The following NCAM1 variants were observed in gnomAD, a reference collection of about 807,000 sequenced individuals.
NCAM1 encodes antigen recognized by monoclonal antibody 5.1H11.
In NCAM1, 14 loss-of-function variants were observed where a neutral mutation model predicts 109.8. The observed-to-expected ratio is 0.13, with a 90% CI of 0.08 to 0.20. The LOEUF (loss-of-function observed/expected upper bound fraction) is 0.20. NCAM1 is among the 10% of genes least tolerant of loss of function. NCAM1 has a pLI of 1.00. For missense variants in NCAM1, 774 were observed against 1,109.9 expected (o/e 0.70, Z 4.30); for synonymous variants, 418 against 442.9 (o/e 0.94, Z 0.70).
At chr11:113,245,627 C>T (rs1945478429) in intron 14 of NCAM1, among the ~76,000 whole-genome samples, 1 of 152,138 alleles carries the variant, frequency 6.6e-6, no homozygotes, top group South Asian at 2.1e-4. Context: ...TTCAGGGAGG[C>T]TCACCGAGGT....
At chr11:113,223,790 C>T (rs1341234768) in intron 9 of NCAM1, among the ~76,000 whole-genome samples, 1 of 152,198 alleles carries the variant, frequency 6.6e-6, no homozygotes, top group Non-Finnish European at 1.5e-5. Flanking sequence ...GTTCCCTCTG[C>T]CTGCAGTCCT....
chr11:113,040,511 A>G (rs564732073), intron 1 of NCAM1, among the ~76,000 whole-genome samples: 26 of 152,344 alleles, frequency 1.7e-4, no homozygotes, highest in Admixed American at 1.4e-3. Context: ...AGCCATAGAC[A>G]ATGGCTGTGT....
chr11:113,057,469 C>T (rs1340716981), intron 1 of NCAM1, among the ~76,000 whole-genome samples: 2 of 152,034 alleles, frequency 1.3e-5, no homozygotes, highest in East Asian at 1.9e-4. Flanking sequence ...AGGATGAGGA[C>T]ATATTTGTAC....
At chr11:113,195,355 A>G (rs1943819856) in intron 1 of NCAM1, among the ~76,000 whole-genome samples, 1 of 152,082 alleles carries the variant, frequency 6.6e-6, no homozygotes, top group Admixed American at 6.5e-5. Flanking sequence ...TCTTGCAACA[A>G]TATCAACCTG....
At chr11:113,065,180 T>C (rs1344464644) in intron 1 of NCAM1, among the ~76,000 whole-genome samples, 1 of 152,040 alleles carries the variant, frequency 6.6e-6, no homozygotes, top group Non-Finnish European at 1.5e-5. Context: ...CTAAAACAAT[T>C]TAGCACCAAA....
chr11:113,121,921 C>G (rs1458431956), intron 1 of NCAM1, among the ~76,000 whole-genome samples: 3 of 152,176 alleles, frequency 2.0e-5, no homozygotes, highest in African/African-American at 7.2e-5. Context: ...TTATCTGGTC[C>G]ACATCACAGC....
rs186226516 is a variant in NCAM1, at chr11:113,207,585, C to G, written c.746+207C>G. Among the ~76,000 whole-genome samples, 351 of 152,228 alleles carry G rather than the reference C, an allele frequency of 2.3e-3. 10 individuals carry two copies. Among genetic ancestry groups the G allele is most frequent in the South Asian group, 0.022 (105 of 4,806 alleles). ...CAGCCTTGTGGGGGCAGAGTCAGAG[C>G]CAGAGGGTGTGGTCTTGGGAGCCCA... On this transcript the variant is annotated intron_variant, in intron 6 of 19. Coordinates refer to ENST00000316851, the MANE Select transcript of NCAM1 (RefSeq NM_181351.5).
intron 1 of NCAM1, among the ~76,000 whole-genome samples, chr11:113,101,809 G>A (rs1939889371): frequency 1.3e-5 from 2 of 152,192 alleles, no homozygotes; most frequent in South Asian, 4.1e-4. Flanking sequence ...CTGAGGCCCA[G>A]AAAGTTATAT....
intron 7 of NCAM1, among the ~76,000 whole-genome samples, chr11:113,211,813 C>T (rs181626824): frequency 1.1e-3 from 167 of 152,282 alleles, no homozygotes; most frequent in Admixed American, 3.9e-3. Flanking sequence ...GTTGTAGGAG[C>T]ATGGACTGGA....
In NCAM1 at chr11:113,232,228, C is replaced by T. The variant is rs782299938; in HGVS notation, c.1299C>T (p.Asn433=). 1.9e-5 allele frequency: 31 copies of T among 1,613,554 alleles called. No homozygotes were observed. Among genetic ancestry groups the T allele is most frequent in the Non-Finnish European group, 2.5e-5 (30 of 1,179,746 alleles). Residue 433 remains asparagine (N), a synonymous_variant, in exon 11 of 20, where the codon AAC becomes AAT. Coordinates refer to ENST00000316851, the MANE Select transcript of NCAM1 (RefSeq NM_181351.5). ...AVYTWEGNQV[N]ITCEVFAYPS... ...ACACTTGGGAGGGGAACCAGGTGAA[C>T]ATCACCTGCGAGGTATTTGCCTATC...
chr11:113,267,705 G>A (rs553546796), intron 17 of NCAM1, among the ~76,000 whole-genome samples: 7 of 152,270 alleles, frequency 4.6e-5, no homozygotes, highest in African/African-American at 1.4e-4. Flanking sequence ...AGGGGAGGCC[G>A]CTGCCCTACT....
chr11:113,053,792 G>T (rs888668775), intron 1 of NCAM1, among the ~76,000 whole-genome samples: 17 of 152,152 alleles, frequency 1.1e-4, no homozygotes, highest in African/African-American at 4.1e-4. Flanking sequence ...CGCATACCAC[G>T]ATCTTAGCTG....
intron 1 of NCAM1, among the ~76,000 whole-genome samples, chr11:112,994,605 A>G (rs1445623336): frequency 1.3e-5 from 2 of 152,210 alleles, no homozygotes; most frequent in African/African-American, 2.4e-5. Context: ...AAGAGGAGTC[A>G]GCAGTCTGCT....
chr11:113,246,125 C>T (rs1945495256), intron 14 of NCAM1: 1 of 531,340 alleles, frequency 1.9e-6, no homozygotes, highest in Non-Finnish European at 3.3e-6. Context: ...TGGGCAGTTT[C>T]ACTGCCCTCC....
chr11:113,045,089 G>A (rs1285690796), intron 1 of NCAM1, among the ~76,000 whole-genome samples: 1 of 152,204 alleles, frequency 6.6e-6, no homozygotes, highest in Non-Finnish European at 1.5e-5. Flanking sequence ...AAGGATGGCA[G>A]ATATTTGAGC....
chr11:113,133,741 A>C (rs981125198), intron 1 of NCAM1: 1 of 152,212 alleles, frequency 6.6e-6, no homozygotes, highest in Non-Finnish European at 1.5e-5. Flanking sequence ...ATTCACAGAC[A>C]TTTCACAGTT....
rs60389510 is a variant in NCAM1 at position 113,199,829 on chromosome 11, T to TGAAAAAAAAAAAAAA, written c.53-2550_53-2549insGAAAAAAAAAAAAAA. The stretch of plus-strand genomic sequence containing the variant: ...GCAAATAAAGTAAAAGAAACACCCT[T>TGAAAAAAAAAAAAAA]AAAAAAAAAAAAAAAAAAAACTTCT... On this transcript the variant is annotated intron_variant, in intron 1 of 19. Transcript: ENST00000316851. Among the ~76,000 whole-genome samples the TGAAAAAAAAAAAAAA allele has an allele frequency of 3.4e-4, 39 of 115,772 alleles. 1 individual carries two copies. The highest frequency in any genetic ancestry group is 1.2e-3 in the African/African-American group (34 of 29,348). The allele number at this position is 115,772 out of a possible 152,430, so 76.0% of individuals were successfully genotyped here.
intron 1 of NCAM1, among the ~76,000 whole-genome samples, chr11:113,092,068 G>A (rs1232264648): frequency 2.0e-5 from 3 of 151,826 alleles, no homozygotes; most frequent in Non-Finnish European, 4.4e-5. Context: ...CCTTCCTCTC[G>A]GTGGAAACTA....
chr11:112,971,145 AAGG>A (rs1950868430), intron 1 of NCAM1, among the ~76,000 whole-genome samples: 1 of 151,850 alleles, frequency 6.6e-6, no homozygotes, highest in South Asian at 2.1e-4. Context: ...AAAGGGGAGG[AAGG>A]AGGGAGAGAA....
Sources: gnomAD v4.1 joint callset for allele counts (sites outside exome capture counted in the v4.1 genomes callset) on GRCh38, gnomAD v4.1.1 for gene constraint, MANE v1.5 for transcripts, NCBI Gene and HGNC (gene_info 2026-07-23, HGNC 2026-07-21) for gene names.